COL14A1: variants seen among roughly 807,000 people sequenced by gnomAD.
The protein encoded by COL14A1 is collagen alpha-1(XIV) chain.
Under a neutral mutation model 230.3 loss-of-function variants are expected in COL14A1, and 136 were observed. The ratio of observed to expected loss-of-function variants is 0.59; its 90% CI spans 0.51 to 0.68. The LOEUF is 0.68. COL14A1 is among the 30% of genes least tolerant of loss of function. The pLI, the probability that COL14A1 is intolerant of heterozygous loss-of-function variation, is 0.00. For missense variants in COL14A1, 1,976 were observed against 2,215.8 expected (o/e 0.89, Z 2.17); for synonymous variants, 792 against 784.1 (o/e 1.01, Z -0.17).
intron 2 of COL14A1, among the ~76,000 whole-genome samples, chr8:120,152,789 T>C (rs933522719): frequency 2.0e-5 from 3 of 152,202 alleles, no homozygotes; most frequent in African/African-American, 7.2e-5. Context: ...AGTAAATATG[T>C]ACCTGGTTCT....
intron 1 of COL14A1, among the ~76,000 whole-genome samples, chr8:120,134,562 T>C (rs973688555): frequency 7.9e-5 from 12 of 152,200 alleles, no homozygotes; most frequent in African/African-American, 2.9e-4. Context: ...AAGAGACTTA[T>C]ATGCATGTCA....
intron 36 of COL14A1, among the ~76,000 whole-genome samples, chr8:120,302,627 G>A (rs1182310039): frequency 1.3e-5 from 2 of 152,148 alleles, no homozygotes; most frequent in Non-Finnish European, 2.9e-5. Context: ...GTACCATACC[G>A]TTTTGATTAC....
At position 120,144,552 on chromosome 8, in the gene COL14A1, A is replaced by G. The variant is rs934904450; in HGVS notation, c.-37-3254A>G. 2.6e-5 allele frequency among the ~76,000 whole-genome samples: 4 copies of G among 152,292 alleles called. No homozygotes were observed. The East Asian group carries it at 7.7e-4, about 29-fold the overall frequency. ...AGACAAGAACTTTTAAAAGTTTGAC[A>G]TAACATATCTGAACTCAACTACCGT... is the stretch of plus-strand genomic sequence containing the variant. On this transcript the variant is annotated intron_variant, in intron 1 of 47. Coordinates refer to ENST00000297848, the MANE Select transcript of COL14A1 (RefSeq NM_021110.4).
intron 20 of COL14A1, among the ~76,000 whole-genome samples, chr8:120,245,934 C>A (rs754764216): frequency 2.0e-5 from 3 of 152,164 alleles, no homozygotes; most frequent in Non-Finnish European, 4.4e-5. Context: ...TCAAGGTAGT[C>A]ATAGAACCCA....
intron 19 of COL14A1, among the ~76,000 whole-genome samples, chr8:120,237,878 C>A (rs1818496447): frequency 6.6e-6 from 1 of 152,178 alleles, no homozygotes; most frequent in Middle Eastern, 3.2e-3. Context: ...CCCTCTGCTG[C>A]AGGTCTGTTG....
intron 13 of COL14A1, 75 bp downstream of exon 13, chr8:120,212,652 A>G: frequency 6.4e-7 from 1 of 1,553,960 alleles, no homozygotes; most frequent in Non-Finnish European, 8.8e-7. Flanking sequence ...AATTGGAACT[A>G]CTAGTTTTGT....
In COL14A1 at chr8:120,212,461, A is replaced by G; in HGVS notation, c.1481A>G (p.Glu494Gly). 2 of 1,613,230 alleles carry G rather than the reference A, an allele frequency of 1.2e-6. No homozygotes were observed. Among genetic ancestry groups the G allele is most frequent in the Non-Finnish European group, 1.7e-6 (2 of 1,179,420 alleles). The change falls in exon 13 of 48, where the codon GAG (glutamate) becomes GGG (glycine). Residue 494 changes from glutamate (E) to glycine (G), a missense_variant. Glu to Gly is a moderately conservative substitution (Grantham distance 98). Around this residue, in one of 3 missense-constraint regions of COL14A1, gnomAD observed 1,791 missense variants for 2,019.5 expected, o/e 0.89. Coordinates refer to ENST00000297848, the MANE Select transcript of COL14A1 (RefSeq NM_021110.4). ...AGDEKEMKIG[E>G]THTDIELSGL... ...TGTTCTTTTCAGATGAAAATTGGAG[A>G]GACCCACACAGATATTGAATTGAGT...
At chr8:120,194,045 C>T (rs534441312) in intron 5 of COL14A1, among the ~76,000 whole-genome samples, 12 of 152,314 alleles carry the variant, frequency 7.9e-5, no homozygotes, top group South Asian at 4.1e-4. Context: ...GCGCACGGTG[C>T]GCTGCACCCA....
intron 5 of COL14A1, 28 bp from the exon 6 acceptor site, chr8:120,196,763 A>G: frequency 6.2e-7 from 1 of 1,608,720 alleles, no homozygotes; most frequent in Non-Finnish European, 8.5e-7. Flanking sequence ...ACAGTAACAC[A>G]TGCGCTTTTC....
chr8:120,161,107 C>T (rs79425538), intron 3 of COL14A1, among the ~76,000 whole-genome samples: 109 of 152,214 alleles, frequency 7.2e-4, no homozygotes, highest in Non-Finnish European at 1.2e-3. Context: ...TGAACATAAA[C>T]GCACATAAGG....
Position 120,278,442 on chromosome 8 carries a change from A to C in COL14A1, c.3345A>C (p.Ala1115=). The stretch of plus-strand genomic sequence containing the variant: ...TGCCTTTCTTTGTTTCAGGAAAAGC[A>C]ATTAAGTATGTTCGAGATACCTTGT... The part of the protein sequence containing the change: ...YKGGNTKTGK[A]IKYVRDTLFT... The change falls in exon 28 of 48, where the codon GCA becomes GCC. Residue 1115 remains alanine, a synonymous_variant. Coordinates refer to ENST00000297848, the MANE Select transcript of COL14A1 (RefSeq NM_021110.4). 1 of 1,610,020 alleles carries C rather than the reference A, an allele frequency of 6.2e-7. No homozygotes were observed.
At chr8:120,309,888 A>T in intron 36 of COL14A1, 121 bp from the exon 37 acceptor site, 1 of 867,744 alleles carries the variant, frequency 1.2e-6, no homozygotes, top group Non-Finnish European at 1.8e-6. Context: ...GTATACTATT[A>T]CACAGTGTGT....
At chr8:120,153,956 C>T (rs1416098982) in intron 2 of COL14A1, among the ~76,000 whole-genome samples, 1 of 152,000 alleles carries the variant, frequency 6.6e-6, no homozygotes, top group East Asian at 1.9e-4. Context: ...AAGTGATTTT[C>T]CCAGACTTTA....
At position 120,332,154 on chromosome 8, in the gene COL14A1, A is replaced by G. The variant is rs758059244; in HGVS notation, c.4673A>G (p.Lys1558Arg). ...GSPGQRGLPG[K>R]DGSSGPPGPP... Reference sequence around the variant, plus strand: ...TCTTTTCGCCAGGGCCTTCCGGGAAAGGATGGATCCTCGGGACCTCCAGGA... The same window carrying G: ...TCTTTTCGCCAGGGCCTTCCGGGAAGGGATGGATCCTCGGGACCTCCAGGA... Residue 1558 changes from lysine to arginine, a missense_variant, in exon 41 of 48, where the codon AAG becomes AGG. Lys to Arg is a conservative substitution (Grantham distance 26). Around this residue, in one of 3 missense-constraint regions of COL14A1, gnomAD observed 1,791 missense variants for 2,019.5 expected, o/e 0.89. Coordinates refer to ENST00000297848, the MANE Select transcript of COL14A1 (RefSeq NM_021110.4). 54 of 1,614,034 alleles carry G rather than the reference A, an allele frequency of 3.3e-5. No individual in the cohort carries two copies. The highest frequency in any genetic ancestry group is 1.8e-4 in the Admixed American group (11 of 60,000).
At chr8:120,246,303 T>A (rs1818759866) in intron 20 of COL14A1, among the ~76,000 whole-genome samples, 1 of 151,930 alleles carries the variant, frequency 6.6e-6, no homozygotes. Flanking sequence ...GTATTGTGAG[T>A]CCTTGGAGCT....
At chr8:120,294,869 T>C (rs1820476301) in intron 34 of COL14A1, among the ~76,000 whole-genome samples, 1 of 151,856 alleles carries the variant, frequency 6.6e-6, no homozygotes, top group South Asian at 2.1e-4. Context: ...GAAATTATAA[T>C]ATTGGCTTCA....
Position 120,231,598 on chromosome 8 carries a change from G to A in COL14A1, c.2329G>A (p.Glu777Lys), listed in dbSNP as rs1351546512. 6.2e-7 allele frequency: 1 copy of A among 1,613,746 alleles called. No homozygotes were observed. Among genetic ancestry groups the A allele is most frequent in the Admixed American group, 1.7e-5 (1 of 59,958 alleles). Reference sequence around the variant, plus strand: ...CTACATGACAGCTCAAGGGGACCCTGAGGAAGAAGTCATAGGAACGGTCTG... The same window carrying A: ...CTACATGACAGCTCAAGGGGACCCTAAGGAAGAAGTCATAGGAACGGTCTG... Reference protein sequence around the residue: ...VTYMTAQGDPEEEVIGTVMVP... With the variant: ...VTYMTAQGDPKEEVIGTVMVP... The change falls in exon 19 of 48, where the codon GAG becomes AAG. Residue 777 changes from glutamate (E) to lysine (K), a missense_variant. Physicochemically the swap from Glu to Lys is moderately conservative, Grantham distance 56. Transcript: ENST00000297848.
At chr8:120,208,183 G>T in intron 10 of COL14A1, 49 bp from the exon 11 acceptor site, 2 of 1,493,318 alleles carry the variant, frequency 1.3e-6, no homozygotes, top group South Asian at 1.4e-5. Flanking sequence ...TTTCAATTCT[G>T]CGTGTAAGAT....
At chr8:120,144,731 G>A (rs565531234) in intron 1 of COL14A1, among the ~76,000 whole-genome samples, 1 of 152,066 alleles carries the variant, frequency 6.6e-6, no homozygotes, top group South Asian at 2.1e-4. Context: ...AAATATAAAG[G>A]TAGCAAGAAT....
Sources: allele counts gnomAD v4.1 joint callset (sites outside exome capture counted in the v4.1 genomes callset), GRCh38; gene constraint gnomAD v4.1.1; regional missense constraint gnomAD v4.1.1; transcripts MANE v1.5; gene names NCBI Gene and HGNC (gene_info 2026-07-23, HGNC 2026-07-21).